Variants in TAF11L11 observed in about 807,000 individuals in gnomAD.
The protein encoded by TAF11L11 is TATA-box binding protein associated factor 11 like 11, also known as TATA-box-binding protein-associated factor 11-like protein 11.
downstream of TAF11L11, chr5:17,605,478 A>G (rs549851162): frequency 6.4e-5 from 25 of 388,088 alleles, no homozygotes; most frequent in African/African-American, 4.1e-4. Context: ...ATCTCAGTCC[A>G]CCCTGGATTT....
chr5:17,605,392 G>A (rs1739147805), downstream of TAF11L11: 2 of 393,210 alleles, frequency 5.1e-6, no homozygotes, highest in Non-Finnish European at 9.0e-6. Flanking sequence ...AAGGACAGAG[G>A]GAAAGGTCTG....
At chr5:17,605,910 AC>A (rs1739162438), downstream of TAF11L11, among the ~76,000 whole-genome samples, 3 of 151,356 alleles carry the variant, frequency 2.0e-5, 1 homozygote, top group African/African-American at 7.3e-5. Context: ...GTCACAAAGC[AC>A]TTTTTTTCTC....
chr5:17,604,871 G>A (rs1373070066), exon 1 of TAF11L11: 1 of 390,618 alleles, frequency 2.6e-6, no homozygotes, highest in Non-Finnish European at 4.5e-6. Context: ...AATCCCTGAG[G>A]ACCTAGATGG....
At chr5:17,604,900 G>A in exon 1 of TAF11L11, 1 of 391,500 alleles carries the variant, frequency 2.6e-6, no homozygotes, top group Non-Finnish European at 4.5e-6. Flanking sequence ...AAGAACCCAG[G>A]GATCAGGAAA....
chr5:17,605,446 C>T (rs1229589719), downstream of TAF11L11: 6 of 390,072 alleles, frequency 1.5e-5, no homozygotes, highest in Admixed American at 4.5e-5. Context: ...AATGACAGGA[C>T]TGCATTTGCT....
downstream of TAF11L11, among the ~76,000 whole-genome samples, chr5:17,605,765 G>A (rs1210774184): frequency 6.6e-6 from 1 of 151,252 alleles, no homozygotes; most frequent in African/African-American, 2.4e-5. Flanking sequence ...CTTATATCTG[G>A]GTTTCAGTAA....
At chr5:17,604,751 G>A in exon 1 of TAF11L11, 1 of 380,396 alleles carries the variant, frequency 2.6e-6, no homozygotes, top group Non-Finnish European at 4.7e-6. Context: ...CTGTACAGCT[G>A]CTGTCACGGA....
downstream of TAF11L11, among the ~76,000 whole-genome samples, chr5:17,605,628 A>G (rs370559207): frequency 9.9e-5 from 15 of 151,482 alleles, no homozygotes; most frequent in East Asian, 7.8e-4. Flanking sequence ...TCTAGTTGGA[A>G]GAATCAAGGT....
downstream of TAF11L11, chr5:17,605,498 C>G (rs566356082): frequency 5.2e-6 from 2 of 385,572 alleles, no homozygotes; most frequent in Non-Finnish European, 9.1e-6. Context: ...TACCCACGAT[C>G]TTAGTGTCTG....
At chr5:17,604,977 C>T in exon 1 of TAF11L11, 1 of 393,240 alleles carries the variant, frequency 2.5e-6, no homozygotes, top group Non-Finnish European at 4.5e-6. Flanking sequence ...GCCTCAACTC[C>T]TCCTTCAGCT....
chr5:17,605,118 G>C (rs768186646), exon 1 of TAF11L11: 2 of 395,154 alleles, frequency 5.1e-6, no homozygotes, highest in East Asian at 3.6e-5. Flanking sequence ...GAAGTGTGTC[G>C]CCGGTCAGCT....
At chr5:17,604,183 A>C (rs1169579115) in exon 1 of TAF11L11, 3 of 151,262 alleles carry the variant, frequency 2.0e-5, no homozygotes, top group Non-Finnish European at 4.4e-5. Context: ...CCCTGTGATT[A>C]CACTCCCCTG....
Position 17,604,957 on chromosome 5 carries a change from T to C in TAF11L11, c.177T>C (p.Asn59=). The C allele has an allele frequency of 5.1e-6, 2 of 392,534 alleles. 1 individual carries two copies. The highest frequency in any genetic ancestry group is 9.0e-6 in the Non-Finnish European group (2 of 222,326). 24.3% of individuals were successfully genotyped at this position (392,534 alleles called of 1,614,324 possible). A position where few individuals can be genotyped will look rare whatever the true frequency, so the allele number is the denominator to read the frequency against. The change falls in exon 1 of 1, where the codon AAT becomes AAC. Residue 59 remains asparagine, a synonymous_variant. Coordinates refer to ENST00000510838, the Ensembl canonical transcript of TAF11L11. ...TCATGGACCTCACAGAAGGTGACAA[T>C]GAAGCGTCAGCCTCAACTCCTCCTT...
At chr5:17,605,135 A>T in the TAF11L11 span, 1 of 395,438 alleles carries the variant, frequency 2.5e-6, no homozygotes, top group Non-Finnish European at 4.5e-6. Context: ...AGCTTTCCCA[A>T]AAGCACGCAT....
exon 1 of TAF11L11, chr5:17,604,400 A>C (rs1288488712): frequency 1.2e-5 from 2 of 161,096 alleles, no homozygotes; most frequent in African/African-American, 2.4e-5. Context: ...TGACGACCAC[A>C]CAGCCAGACC....
exon 1 of TAF11L11, chr5:17,604,645 A>G (rs1336859655): frequency 5.9e-6 from 2 of 340,084 alleles, no homozygotes; most frequent in East Asian, 4.3e-5. Context: ...GTGTCCAGTT[A>G]TGGTTAAACT....
exon 1 of TAF11L11, chr5:17,604,793 A>G (rs923224443): frequency 5.2e-6 from 2 of 386,240 alleles, no homozygotes; most frequent in Admixed American, 4.5e-5. Context: ...GGAGACAGGC[A>G]GGCAAAGAGA....
chr5:17,604,630 G>T (rs1224189468), exon 1 of TAF11L11: 3 of 330,804 alleles, frequency 9.1e-6, no homozygotes, highest in South Asian at 3.1e-4. Flanking sequence ...GGGAGGCAGG[G>T]GGCTGTGTCC....
chr5:17,605,257 C>A, exon 1 of TAF11L11: 2 of 395,182 alleles, frequency 5.1e-6, no homozygotes, highest in East Asian at 7.2e-5. Flanking sequence ...AGGCCCTGGA[C>A]GTGTGCGAAA....
Sources: allele counts gnomAD v4.1 joint callset (sites outside exome capture counted in the v4.1 genomes callset), GRCh38; gene constraint gnomAD v4.1.1; transcripts MANE v1.5; gene names NCBI Gene and HGNC (gene_info 2026-07-23, HGNC 2026-07-21).